Variants in PTPRD observed in about 807,000 individuals in gnomAD.
PTPRD encodes receptor-type tyrosine-protein phosphatase delta.
In PTPRD, 34 loss-of-function variants were observed where a neutral mutation model predicts 214.5. That is an observed-to-expected ratio of 0.16 (90% CI 0.12 to 0.21). The LOEUF is 0.21. PTPRD is among the 10% of genes least tolerant of loss of function. The pLI is 1.00. For synonymous variants in PTPRD, 1,128 were observed against 845.7 expected, an observed-to-expected ratio of 1.33 and a Z score of -5.79; for missense variants, 2,545 against 2,398.7, an observed-to-expected ratio of 1.06 and a Z score of -1.27.
At chr9:10,403,705 G>A (rs946017199) in intron 2 of PTPRD, among the ~76,000 whole-genome samples, 1 of 151,708 alleles carries the variant, frequency 6.6e-6, no homozygotes, top group Non-Finnish European at 1.5e-5. Context: ...AAAAGACAGG[G>A]AGGAAAATTA....
chr9:9,619,591 TAG>T (rs774485519), intron 7 of PTPRD, among the ~76,000 whole-genome samples: 2 of 145,910 alleles, frequency 1.4e-5, no homozygotes, highest in African/African-American at 2.5e-5. Flanking sequence ...TCATATATGT[TAG>T]AGAGATAATA....
chr9:8,958,183 C>T (rs780021701), intron 11 of PTPRD, among the ~76,000 whole-genome samples: 8 of 151,850 alleles, frequency 5.3e-5, no homozygotes, highest in Non-Finnish European at 1.0e-4. Context: ...AATTTGCTCT[C>T]AAAATGGAAG....
intron 3 of PTPRD, among the ~76,000 whole-genome samples, chr9:10,248,518 A>T (rs1336375036): frequency 7.6e-5 from 5 of 65,822 alleles, no homozygotes; most frequent in Admixed American, 3.2e-4. Context: ...TAGCAAAAAA[A>T]AAAAAAAATA....
Position 9,919,269 on chromosome 9 carries a change from G to C in PTPRD, c.-368+19238C>G, listed in dbSNP as rs371025714. Among the ~76,000 whole-genome samples the C allele has an allele frequency of 7.7e-4, 116 of 151,236 alleles. 1 individual carries two copies. The South Asian group carries it at 0.012, about 16-fold the overall frequency. On this transcript the variant is annotated intron_variant, in intron 5 of 45. Transcript: ENST00000381196. ...ACTAGTTTCAGGACCCTATTACCTT[G>C]ACCTCCAGTCATCTCTCTGAGTCAA...
rs570962753 is a variant in PTPRD at position 9,793,906 on chromosome 9, T to C, written c.-367-27055A>G. 7.8e-4 allele frequency among the ~76,000 whole-genome samples: 118 copies of C among 152,134 alleles called. 1 individual carries two copies. Among genetic ancestry groups the C allele is most frequent in the Non-Finnish European group, 1.5e-3 (100 of 67,972 alleles). ...GTTGTATGGTACTGGAAATAGTTTA[T>C]GAAATTCAACCCACTACTTCCTAAA... On this transcript the variant is annotated intron_variant, in intron 5 of 45. Transcript: ENST00000381196.
intron 5 of PTPRD, among the ~76,000 whole-genome samples, chr9:9,863,558 T>C (rs987018388): frequency 2.0e-5 from 3 of 152,194 alleles, no homozygotes; most frequent in African/African-American, 7.2e-5. Flanking sequence ...CTAATCAAGA[T>C]TATGACATCC....
intron 7 of PTPRD, among the ~76,000 whole-genome samples, chr9:9,703,468 G>T (rs942805335): frequency 1.3e-5 from 2 of 152,056 alleles, no homozygotes; most frequent in African/African-American, 4.8e-5. Flanking sequence ...CATTCACCAG[G>T]AAGCTTGTTA....
chr9:8,802,542 G>C (rs2096592912), intron 11 of PTPRD, among the ~76,000 whole-genome samples: 1 of 152,162 alleles, frequency 6.6e-6, no homozygotes, highest in African/African-American at 2.4e-5. Context: ...GGGAAATCTG[G>C]ATTTTCCTGA....
chr9:8,449,845 G>C lies in PTPRD; in HGVS notation c.3876-8C>G, dbSNP rs746423795. On this transcript the variant is annotated splice_polypyrimidine_tract_variant and splice_region_variant and intron_variant, in intron 33 of 45. Transcript: ENST00000381196. Reference sequence around the variant, plus strand: ...TCGGACTCTGCCCTCTTCCTATAGGGGGAAAATAGAAATTTAAGAAGAAAA... The same window carrying C: ...TCGGACTCTGCCCTCTTCCTATAGGCGGAAAATAGAAATTTAAGAAGAAAA... The C allele has an allele frequency of 4.3e-6, 7 of 1,610,470 alleles. No individual in the cohort carries two copies. Among genetic ancestry groups the C allele is most frequent in the Admixed American group, 1.7e-5 (1 of 59,508 alleles).
intron 5 of PTPRD, among the ~76,000 whole-genome samples, chr9:9,928,778 A>G (rs1437168054): frequency 6.6e-6 from 1 of 151,884 alleles, no homozygotes; most frequent in Non-Finnish European, 1.5e-5. Context: ...ACACACACAC[A>G]CACACACACA....
chr9:8,530,531 C>G (rs1393173538), intron 14 of PTPRD, among the ~76,000 whole-genome samples: 1 of 152,090 alleles, frequency 6.6e-6, no homozygotes, highest in Non-Finnish European at 1.5e-5. Flanking sequence ...CTTATTAACT[C>G]ATGAGTTTAT....
At position 10,605,420 on chromosome 9, in the gene PTPRD, C is replaced by T. The variant is rs571558904; in HGVS notation, c.-600+6978G>A. Among the ~76,000 whole-genome samples, 13 of 151,890 alleles carry T rather than the reference C, an allele frequency of 8.6e-5. 1 individual carries two copies. Among genetic ancestry groups the T allele is most frequent in the East Asian group, 3.9e-4 (2 of 5,152 alleles). On this transcript the variant is annotated intron_variant, in intron 2 of 45. Coordinates refer to ENST00000381196, the MANE Select transcript of PTPRD (RefSeq NM_002839.4). Reference sequence around the variant, plus strand: ...ATATTGTGTCAATATTAGGATAGTACGGCGTATTTTTATCATGCTTTACTG... The same window carrying T: ...ATATTGTGTCAATATTAGGATAGTATGGCGTATTTTTATCATGCTTTACTG...
chr9:10,134,986 C>T lies in PTPRD; in HGVS notation c.-544-101196G>A, dbSNP rs77319358. ...ACCCAATCAAACGAATCCAGGAAAA[C>T]GGTCCAACAGCTGAAAGATGACATA... On this transcript the variant is annotated intron_variant, in intron 3 of 45. Coordinates refer to ENST00000381196, the MANE Select transcript of PTPRD (RefSeq NM_002839.4). Among the ~76,000 whole-genome samples, 257 of 152,122 alleles carry T rather than the reference C, an allele frequency of 1.7e-3. 3 individuals are homozygous for T. Among genetic ancestry groups the T allele is most frequent in the South Asian group, 0.017 (81 of 4,822 alleles).
chr9:9,861,100 G>C (rs974756195), intron 5 of PTPRD, among the ~76,000 whole-genome samples: 4 of 151,952 alleles, frequency 2.6e-5, no homozygotes. Flanking sequence ...GTTGGCTTTT[G>C]CTATTCTACA....
chr9:8,784,789 C>CA (rs1455450743), intron 11 of PTPRD, among the ~76,000 whole-genome samples: 28 of 152,138 alleles, frequency 1.8e-4, no homozygotes, highest in Admixed American at 1.8e-3. Context: ...AAAATGTCTG[C>CA]TACTAAAAAG....
At chr9:9,140,838 A>C (rs1026316839) in intron 10 of PTPRD, among the ~76,000 whole-genome samples, 2 of 152,098 alleles carry the variant, frequency 1.3e-5, no homozygotes, top group African/African-American at 4.8e-5. Context: ...TCAGCCTCCC[A>C]AAGTGCTGGG....
chr9:8,731,437 G>A (rs1350128707), intron 12 of PTPRD, among the ~76,000 whole-genome samples: 1 of 152,108 alleles, frequency 6.6e-6, no homozygotes, highest in African/African-American at 2.4e-5. Context: ...GCTAATGAAG[G>A]CATAAGAAAA....
At chr9:9,041,999 A>C (rs1015056803) in intron 10 of PTPRD, among the ~76,000 whole-genome samples, 1 of 152,154 alleles carries the variant, frequency 6.6e-6, no homozygotes, top group African/African-American at 2.4e-5. Context: ...ATGTGACATA[A>C]ATCCAATTCA....
chr9:8,481,345 T>C (rs1311934090), intron 30 of PTPRD, among the ~76,000 whole-genome samples: 1 of 152,084 alleles, frequency 6.6e-6, no homozygotes, highest in African/African-American at 2.4e-5. Flanking sequence ...AATTATTTTA[T>C]CAAATAAACA....
Sources: gnomAD v4.1 joint callset for allele counts (sites outside exome capture counted in the v4.1 genomes callset) on GRCh38, gnomAD v4.1.1 for gene constraint, MANE v1.5 for transcripts, NCBI Gene and HGNC (gene_info 2026-07-23, HGNC 2026-07-21) for gene names.